The following XPO4 variants were observed in gnomAD, a reference collection of about 807,000 sequenced individuals.
XPO4 encodes the protein exportin-4.
A neutral mutation model predicts 143.0 loss-of-function variants in XPO4; 39 were observed. The ratio of observed to expected loss-of-function variants is 0.27; its 90% CI spans 0.21 to 0.36. The LOEUF (loss-of-function observed/expected upper bound fraction) is 0.36. XPO4 is among the 10% of genes least tolerant of loss of function. The pLI is 1.00. For missense variants in XPO4, 907 were observed against 1,348.0 expected (o/e 0.67, Z 5.12); for synonymous variants, 439 against 474.0 (o/e 0.93, Z 0.96).
At chr13:20,851,709 C>T (rs1358108527) in intron 4 of XPO4, 1 of 740,990 alleles carries the variant, frequency 1.3e-6, no homozygotes, top group Admixed American at 2.3e-4. Flanking sequence ...GACCCGGTCT[C>T]ACAAAAAAAA....
intron 7 of XPO4, among the ~76,000 whole-genome samples, chr13:20,823,083 A>G (rs555445629): frequency 6.6e-6 from 1 of 152,302 alleles, no homozygotes; most frequent in Admixed American, 6.5e-5. Flanking sequence ...AGAGCCAAGG[A>G]AAATTTAGTG....
intron 2 of XPO4, chr13:20,863,146 AAAAAAT>A (rs1247795583): frequency 1.7e-5 from 18 of 1,052,102 alleles, no homozygotes; most frequent in Non-Finnish European, 2.0e-5. Context: ...ACAGCTTTAA[AAAAAAT>A]AAAAATAAAA....
chr13:20,852,128 A>C, intron 4 of XPO4: 4 of 985,422 alleles, frequency 4.1e-6, no homozygotes, highest in Non-Finnish European at 4.8e-6. Context: ...CCAATACCAA[A>C]ATCCTGGCTG....
Position 20,807,270 on chromosome 13 carries a change from T to C in XPO4, c.1817+187A>G, listed in dbSNP as rs528964377. On this transcript the variant is annotated intron_variant, in intron 13 of 22. Coordinates refer to ENST00000255305, the MANE Select transcript of XPO4 (RefSeq NM_022459.5). ...ACTGGGTATAGCTGTCAACTCTCAC[T>C]AGAGTGGCACTGCCTAAATATACTG... 5.3e-5 allele frequency among the ~76,000 whole-genome samples: 8 copies of C among 152,334 alleles called. No individual in the cohort carries two copies. The South Asian group carries it at 1.7e-3, about 32-fold the overall frequency.
chr13:20,802,136 C>A (rs959777739), intron 13 of XPO4, among the ~76,000 whole-genome samples: 2 of 152,152 alleles, frequency 1.3e-5, no homozygotes, highest in East Asian at 1.9e-4. Flanking sequence ...CGGTCCACTG[C>A]AGCTTTAACT....
intron 10 of XPO4, among the ~76,000 whole-genome samples, chr13:20,809,543 T>G (rs917899272): frequency 6.6e-6 from 1 of 152,062 alleles, no homozygotes; most frequent in African/African-American, 2.4e-5. Context: ...TAACCAGACA[T>G]CCATGGCCCA....
chr13:20,849,999 G>A (rs1246898599), intron 4 of XPO4: 6 of 602,424 alleles, frequency 1.0e-5, no homozygotes, highest in African/African-American at 8.0e-5. Context: ...CCAGCTACTC[G>A]GGTGGCTGAG....
intron 13 of XPO4, 102 bp from the exon 14 acceptor site, chr13:20,801,092 G>T: frequency 7.5e-7 from 1 of 1,328,804 alleles, no homozygotes; most frequent in Non-Finnish European, 1.0e-6. Flanking sequence ...CAGTTCTCTG[G>T]ATTTAGGTCA....
chr13:20,819,958 A>G (rs1212316151), intron 9 of XPO4, among the ~76,000 whole-genome samples: 1 of 152,190 alleles, frequency 6.6e-6, no homozygotes, highest in Non-Finnish European at 1.5e-5. Flanking sequence ...TTAGCCCTCA[A>G]CTTCACCACA....
intron 1 of XPO4, among the ~76,000 whole-genome samples, chr13:20,877,082 A>G (rs2060360236): frequency 6.6e-6 from 1 of 152,180 alleles, no homozygotes. Context: ...TCCTTTAGCT[A>G]GACACAGAAA....
At chr13:20,815,520 A>AT (rs1266786109) in intron 9 of XPO4, among the ~76,000 whole-genome samples, 3 of 152,190 alleles carry the variant, frequency 2.0e-5, no homozygotes, top group Non-Finnish European at 4.4e-5. Flanking sequence ...AATATCAGGT[A>AT]CTGTAAAAAT....
chr13:20,893,014 G>A (rs1438973904), intron 1 of XPO4, among the ~76,000 whole-genome samples: 4 of 152,172 alleles, frequency 2.6e-5, no homozygotes, highest in Non-Finnish European at 4.4e-5. Context: ...GAAGTGACAG[G>A]GAAGAAAAGC....
chr13:20,798,695 C>G (rs2059390247), intron 16 of XPO4, among the ~76,000 whole-genome samples: 1 of 152,008 alleles, frequency 6.6e-6, no homozygotes, highest in African/African-American at 2.4e-5. Flanking sequence ...AAGCTTCAAC[C>G]CATTCATTAG....
intron 4 of XPO4, chr13:20,850,374 G>T: frequency 2.8e-6 from 2 of 711,590 alleles, no homozygotes; most frequent in Non-Finnish European, 3.4e-6. Context: ...AAATGGCAGA[G>T]CTGGGATTTA....
chr13:20,823,191 CCACA>C (rs1202499360), intron 7 of XPO4, among the ~76,000 whole-genome samples: 1 of 152,142 alleles, frequency 6.6e-6, no homozygotes, highest in Non-Finnish European at 1.5e-5. Context: ...CTTTTCTTTC[CCACA>C]CAAAGTTCTC....
intron 9 of XPO4, among the ~76,000 whole-genome samples, chr13:20,817,211 A>G (rs74036448): frequency 0.021 from 3,133 of 152,216 alleles, 84 homozygotes; most frequent in Middle Eastern, 0.075. Flanking sequence ...CCCAAAATTT[A>G]TGCTCCCCAC....
At chr13:20,849,237 G>C (rs2060059964) in intron 4 of XPO4, 2 of 985,420 alleles carry the variant, frequency 2.0e-6, no homozygotes, top group Non-Finnish European at 2.4e-6. Flanking sequence ...ACTTCCAGCT[G>C]CTCTTCTATG....
chr13:20,798,531 T>C (rs149161694), intron 16 of XPO4, among the ~76,000 whole-genome samples: 3 of 152,326 alleles, frequency 2.0e-5, no homozygotes, highest in South Asian at 2.1e-4. Context: ...CAGGAGAATA[T>C]TTCCCTGATC....
Position 20,808,501 on chromosome 13 carries a change from C to A in XPO4, c.1574G>T (p.Ser525Ile). 1 of 1,573,964 alleles carries A rather than the reference C, an allele frequency of 6.4e-7. No individual in the cohort carries two copies. ...QQQLLASPGSSTVDNKMLDDL... is the reference protein window; with the variant it reads ...QQQLLASPGSITVDNKMLDDL... ...ATCAAGCATTTTGTTGTCAACAGTGCTTGAACCCGGTGAAGCAAGTAACTG... is the reference window on the plus strand; with the variant it reads ...ATCAAGCATTTTGTTGTCAACAGTGATTGAACCCGGTGAAGCAAGTAACTG... Residue 525 changes from serine (S) to isoleucine (I), a missense_variant, in exon 12 of 23, where the codon AGC (serine) becomes ATC (isoleucine). Physicochemically the swap from Ser to Ile is moderately radical, Grantham distance 142 (BLOSUM62 -2). Transcript: ENST00000255305.
Sources: allele counts gnomAD v4.1 joint callset (sites outside exome capture counted in the v4.1 genomes callset), GRCh38; gene constraint gnomAD v4.1.1; transcripts MANE v1.5; gene names NCBI Gene and HGNC (gene_info 2026-07-23, HGNC 2026-07-21).